Variants in GPC5 observed in about 807,000 individuals in gnomAD.
GPC5 encodes glypican-5.
A neutral mutation model predicts 53.9 loss-of-function variants in GPC5; 47 were observed. That is an observed-to-expected ratio of 0.87 (90% confidence interval 0.69 to 1.11). GPC5 has a LOEUF of 1.11. GPC5 is among the 50% of genes most tolerant of loss of function. The pLI is 0.00. For missense variants in GPC5, 748 were observed against 713.1 expected (o/e 1.05, Z -0.56); for synonymous variants, 286 against 263.3 (o/e 1.09, Z -0.84).
At chr13:92,671,090 G>A (rs1214033712) in intron 7 of GPC5, among the ~76,000 whole-genome samples, 1 of 152,024 alleles carries the variant, frequency 6.6e-6, no homozygotes, top group African/African-American at 2.4e-5. Flanking sequence ...CAGTAAGAAA[G>A]TTGAAAAAAT....
At chr13:92,676,797 G>A (rs1886957122) in intron 7 of GPC5, among the ~76,000 whole-genome samples, 4 of 152,018 alleles carry the variant, frequency 2.6e-5, no homozygotes, top group Admixed American at 6.6e-5. Context: ...TAAGAGTACC[G>A]AACATGGTCA....
At position 91,729,162 on chromosome 13, in the gene GPC5, A is replaced by T. The variant is rs1312724763; in HGVS notation, c.1154+497A>T. Among the ~76,000 whole-genome samples the T allele has an allele frequency of 2.0e-5, 3 of 152,230 alleles. No individual in the cohort carries two copies. The South Asian group carries it at 6.2e-4, about 31-fold the overall frequency. On this transcript the variant is annotated intron_variant, in intron 4 of 7. Transcript: ENST00000377067. ...AAAAGTTGAATAAGAAGAAGTTTTCATAATTTTACATGAAATGCTAGAAAT... is the reference window on the plus strand; with the variant it reads ...AAAAGTTGAATAAGAAGAAGTTTTCTTAATTTTACATGAAATGCTAGAAAT...
At chr13:91,633,107 C>T (rs561464798) in intron 2 of GPC5, among the ~76,000 whole-genome samples, 1 of 152,126 alleles carries the variant, frequency 6.6e-6, no homozygotes, top group Non-Finnish European at 1.5e-5. Flanking sequence ...GATTTGCTGT[C>T]GTTCTGTATT....
At chr13:92,562,991 T>G (rs1882744890) in intron 7 of GPC5, among the ~76,000 whole-genome samples, 1 of 151,990 alleles carries the variant, frequency 6.6e-6, no homozygotes, top group Non-Finnish European at 1.5e-5. Context: ...AACTCAATAG[T>G]ACTGTGTAAC....
At chr13:92,428,867 G>A (rs1033216461) in intron 7 of GPC5, among the ~76,000 whole-genome samples, 1 of 151,988 alleles carries the variant, frequency 6.6e-6, no homozygotes, top group African/African-American at 2.4e-5. Flanking sequence ...GGAGAAGTCT[G>A]GCAAATCTCT....
chr13:91,605,351 C>T (rs1480483891), intron 2 of GPC5, among the ~76,000 whole-genome samples: 3 of 142,410 alleles, frequency 2.1e-5, no homozygotes, highest in African/African-American at 5.3e-5. Flanking sequence ...GTTTTGGTTA[C>T]TGTAGCCTTG....
At chr13:92,740,947 T>C (rs1358899620) in intron 7 of GPC5, among the ~76,000 whole-genome samples, 1 of 136,276 alleles carries the variant, frequency 7.3e-6, no homozygotes, top group Non-Finnish European at 1.6e-5. Flanking sequence ...TATGTGTGTA[T>C]ATATATGTAT....
intron 7 of GPC5, among the ~76,000 whole-genome samples, chr13:92,324,199 A>G (rs2043234965): frequency 6.6e-6 from 1 of 152,020 alleles, no homozygotes; most frequent in Non-Finnish European, 1.5e-5. Context: ...ATGTTTGCAT[A>G]TATAGGATAT....
chr13:92,439,410 C>G (rs550541956), intron 7 of GPC5, among the ~76,000 whole-genome samples: 1 of 152,238 alleles, frequency 6.6e-6, no homozygotes, highest in East Asian at 1.9e-4. Flanking sequence ...GCAATTTAAA[C>G]TAAAATAGGC....
At chr13:91,750,495 C>T (rs1195568086) in intron 4 of GPC5, among the ~76,000 whole-genome samples, 1 of 152,068 alleles carries the variant, frequency 6.6e-6, no homozygotes, top group African/African-American at 2.4e-5. Flanking sequence ...TGGATGCAGT[C>T]ACTCTCCCAG....
intron 7 of GPC5, among the ~76,000 whole-genome samples, chr13:92,769,171 C>T (rs2138746935): frequency 6.6e-6 from 1 of 152,194 alleles, no homozygotes; most frequent in South Asian, 2.1e-4. Flanking sequence ...GTATTAATTG[C>T]TACTTTTTGT....
At chr13:92,578,799 A>G (rs1883270576) in intron 7 of GPC5, among the ~76,000 whole-genome samples, 1 of 152,176 alleles carries the variant, frequency 6.6e-6, no homozygotes, top group Non-Finnish European at 1.5e-5. Flanking sequence ...AGTCAAGTTG[A>G]CGACTAAAAT....
rs941500921 is a variant in GPC5 at position 91,909,458 on chromosome 13, G to A, written c.1401+1401G>A. On this transcript the variant is annotated intron_variant, in intron 6 of 7. Transcript: ENST00000377067. ...AAGTGGGATAAGCATTTCACAGAGG[G>A]TGCAGGAAGAAAAAACAGACCTTAA... is the stretch of plus-strand genomic sequence containing the variant. 1.3e-5 allele frequency among the ~76,000 whole-genome samples: 2 copies of A among 151,990 alleles called. 1 individual carries two copies. The highest frequency in any genetic ancestry group is 1.3e-4 in the Admixed American group (2 of 15,240).
intron 2 of GPC5, among the ~76,000 whole-genome samples, chr13:91,546,571 T>A (rs1953619): frequency 0.77 from 116,642 of 152,064 alleles, 45,461 homozygotes; most frequent in East Asian, 1. Context: ...TGAATAGGTC[T>A]GTGACATTTA....
At chr13:92,738,837 C>A (rs565627361) in intron 7 of GPC5, among the ~76,000 whole-genome samples, 1 of 152,190 alleles carries the variant, frequency 6.6e-6, no homozygotes, top group Admixed American at 6.6e-5. Context: ...ATATCACCCC[C>A]TTGAGAATTT....
chr13:92,211,835 C>T lies in GPC5; in HGVS notation c.1561+66846C>T, dbSNP rs115691048. Among the ~76,000 whole-genome samples, 1,393 of 152,294 alleles carry T rather than the reference C, an allele frequency of 9.1e-3. 25 individuals are homozygous for T. The highest frequency in any genetic ancestry group is 0.031 in the African/African-American group (1,300 of 41,570). ...TATCTCATGGATGTGAGAAAGGTTTCGTCTGTTCCTATTGATTTGAATCAG... is the reference window on the plus strand; with the variant it reads ...TATCTCATGGATGTGAGAAAGGTTTTGTCTGTTCCTATTGATTTGAATCAG... On this transcript the variant is annotated intron_variant, in intron 7 of 7. Transcript: ENST00000377067.
At chr13:91,851,992 T>G (rs965920784) in intron 5 of GPC5, among the ~76,000 whole-genome samples, 4 of 150,850 alleles carry the variant, frequency 2.7e-5, no homozygotes, top group African/African-American at 9.8e-5. Flanking sequence ...GCAGCATGAT[T>G]TATAGTCCTT....
chr13:92,234,368 G>A (rs1028998539), intron 7 of GPC5, among the ~76,000 whole-genome samples: 3 of 152,118 alleles, frequency 2.0e-5, no homozygotes, highest in African/African-American at 7.2e-5. Context: ...GTGTGAGATG[G>A]TATCTCATTG....
chr13:92,812,099 C>T (rs916435464), intron 7 of GPC5, among the ~76,000 whole-genome samples: 2 of 151,824 alleles, frequency 1.3e-5, no homozygotes, highest in Admixed American at 6.6e-5. Flanking sequence ...ATTTCAGGAT[C>T]AGATTTTCTA....
Sources: gnomAD v4.1 joint callset for allele counts (sites outside exome capture counted in the v4.1 genomes callset) on GRCh38, gnomAD v4.1.1 for gene constraint, MANE v1.5 for transcripts, NCBI Gene and HGNC (gene_info 2026-07-23, HGNC 2026-07-21) for gene names.